CUX2: variants seen among roughly 807,000 people sequenced by gnomAD.
CUX2 encodes cut like homeobox 2.
CUX2 carries 40 observed loss-of-function variants against 144.8 expected under a neutral mutation model. The ratio of observed to expected loss-of-function variants is 0.28; its 90% CI spans 0.21 to 0.36. CUX2 has a LOEUF of 0.36. CUX2 is among the 10% of genes least tolerant of loss of function. CUX2 has a pLI of 1.00. For missense variants in CUX2, 1,615 were observed against 1,994.0 expected, an observed-to-expected ratio of 0.81 and a Z score of 3.62; for synonymous variants, 827 against 875.6, an observed-to-expected ratio of 0.94 and a Z score of 0.98.
Position 111,253,232 on chromosome 12 carries a change from C to T in CUX2, c.223-10529C>T, listed in dbSNP as rs1427003083. 2.0e-5 allele frequency among the ~76,000 whole-genome samples: 3 copies of T among 152,146 alleles called. No individual in the cohort carries two copies. The East Asian group carries it at 5.8e-4, about 29-fold the overall frequency. ...TGAATCTGCTCTCCTCTGCACAAAA[C>T]CCTCCCGTGGCTCCTCAGACCCCTT... On this transcript the variant is annotated intron_variant, in intron 3 of 21. Coordinates refer to ENST00000261726, the MANE Select transcript of CUX2 (RefSeq NM_015267.4).
rs184612463 is a variant in CUX2 at position 111,327,038 on chromosome 12, C to T, written c.2926+4458C>T. On this transcript the variant is annotated intron_variant, in intron 18 of 21. Coordinates refer to ENST00000261726, the MANE Select transcript of CUX2 (RefSeq NM_015267.4). ...CACCTCTGTCTAATTCCAGAATATTCCCACCGCCCCAAAAAGGAACCCCAT... is the reference window on the plus strand; with the variant it reads ...CACCTCTGTCTAATTCCAGAATATTTCCACCGCCCCAAAAAGGAACCCCAT... Among the ~76,000 whole-genome samples, 572 of 152,230 alleles carry T rather than the reference C, an allele frequency of 3.8e-3. 2 individuals are homozygous for T. The highest frequency in any genetic ancestry group is 0.013 in the African/African-American group (521 of 41,530).
Position 111,185,476 on chromosome 12 carries a change from T to A in CUX2, c.64-28724T>A, listed in dbSNP as rs551237599. Among the ~76,000 whole-genome samples, 402 of 152,330 alleles carry A rather than the reference T, an allele frequency of 2.6e-3. 2 individuals carry two copies. The highest frequency in any genetic ancestry group is 4.7e-3 in the Non-Finnish European group (323 of 68,020). ...GCAGGGACAGGTGTCGGCGTAATCG[T>A]GTACTGAAACCGCTGAGCCAGCCTG... On this transcript the variant is annotated intron_variant, in intron 1 of 21. Transcript: ENST00000261726.
rs577522933 is a variant in CUX2, at chr12:111,073,727, A to T, written c.63+39487A>T. On this transcript the variant is annotated intron_variant, in intron 1 of 21. Coordinates refer to ENST00000261726, the MANE Select transcript of CUX2 (RefSeq NM_015267.4). ...ATAATCCCAATGCTTTGGGACGCCA[A>T]AGCAGGAGGATCACTTGGAGCCAGG... Among the ~76,000 whole-genome samples, 31 of 152,132 alleles carry T rather than the reference A, an allele frequency of 2.0e-4. No individual in the cohort carries two copies. The South Asian group carries it at 6.2e-3, about 30-fold the overall frequency.
At chr12:111,225,559 G>A (rs1029239619) in intron 3 of CUX2, among the ~76,000 whole-genome samples, 4 of 152,182 alleles carry the variant, frequency 2.6e-5, no homozygotes, top group African/African-American at 4.8e-5. Context: ...CTCACACAGC[G>A]GTTCATCAGC....
chr12:111,310,204 G>A lies in CUX2; in HGVS notation c.1422G>A (p.Arg474=). The change falls in exon 15 of 22, where the codon CGG becomes CGA. Residue 474 remains arginine (R), a synonymous_variant. Coordinates refer to ENST00000261726, the MANE Select transcript of CUX2 (RefSeq NM_015267.4). This position sits in a 1 kb window ranked among gnomAD's most constrained non-coding sequence, Gnocchi z 7.9. ...LGPSLGPDGT[R]TFSLSPFPSL... ...CCAGCTTGGGGCCTGACGGCACTCGGACTTTCTCGCTGTCCCCCTTCCCCA... is the reference window on the plus strand; with the variant it reads ...CCAGCTTGGGGCCTGACGGCACTCGAACTTTCTCGCTGTCCCCCTTCCCCA... 1 of 1,522,376 alleles carries A rather than the reference G, an allele frequency of 6.6e-7. No homozygotes were observed. The allele number at this position is 1,522,376 out of a possible 1,614,324, so 94.3% of individuals were successfully genotyped here. A position where few individuals can be genotyped will look rare whatever the true frequency, so the allele number is the denominator to read the frequency against.
In CUX2 at chr12:111,277,711, G is replaced by A. The variant is rs574029695; in HGVS notation, c.302-13707G>A. Among the ~76,000 whole-genome samples, 3 of 152,176 alleles carry A rather than the reference G, an allele frequency of 2.0e-5. No individual in the cohort carries two copies. The highest frequency in any genetic ancestry group is 2.9e-5 in the Non-Finnish European group (2 of 68,044). On this transcript the variant is annotated intron_variant, in intron 4 of 21. Coordinates refer to ENST00000261726, the MANE Select transcript of CUX2 (RefSeq NM_015267.4). This position sits in a 1 kb window ranked among gnomAD's most constrained non-coding sequence, Gnocchi z 5.0. ...TTTCCCTGACACACAGCAGGCACTC[G>A]GGAAATATTTGGCAACTGAAGAAAT...
chr12:111,244,380 G>A (rs986982398), intron 3 of CUX2, among the ~76,000 whole-genome samples: 7 of 152,332 alleles, frequency 4.6e-5, no homozygotes, highest in South Asian at 2.1e-4. Flanking sequence ...TGCTTGTCCC[G>A]TCCTCTGGGA....
intron 1 of CUX2, among the ~76,000 whole-genome samples, chr12:111,065,787 A>T (rs1277177956): frequency 1.3e-5 from 2 of 152,238 alleles, no homozygotes; most frequent in Non-Finnish European, 2.9e-5. Context: ...AGCATCCCCA[A>T]GAAATTTGTT....
chr12:111,130,887 A>G (rs1875427036), intron 1 of CUX2, among the ~76,000 whole-genome samples: 2 of 152,262 alleles, frequency 1.3e-5, no homozygotes, highest in Admixed American at 1.3e-4. Context: ...ATCTCTGCTT[A>G]GTATGCCTAT....
At chr12:111,069,661 T>C (rs1871180476) in intron 1 of CUX2, among the ~76,000 whole-genome samples, 1 of 152,124 alleles carries the variant, frequency 6.6e-6, no homozygotes, top group African/African-American at 2.4e-5. Context: ...TATAGATGCC[T>C]GTCTTCTCCC....
At position 111,287,331 on chromosome 12, in the gene CUX2, C is replaced by A. The variant is rs192103982; in HGVS notation, c.302-4087C>A. ...CTCCTTGGAACCGGAGCAAGCCCTC[C>A]GTGGCCCTGCGCAGTCCGCGTGGCA... On this transcript the variant is annotated intron_variant, in intron 4 of 21. Transcript: ENST00000261726. The surrounding 1 kb of genome is among the most constrained non-coding windows in gnomAD (Gnocchi z 4.2). Among the ~76,000 whole-genome samples, 1 of 152,214 alleles carries A rather than the reference C, an allele frequency of 6.6e-6. No homozygotes were observed. Among genetic ancestry groups the A allele is most frequent in the Non-Finnish European group, 1.5e-5 (1 of 68,042 alleles).
At chr12:111,219,949 G>A (rs1881749794) in intron 3 of CUX2, among the ~76,000 whole-genome samples, 1 of 152,138 alleles carries the variant, frequency 6.6e-6, no homozygotes, top group African/African-American at 2.4e-5. Flanking sequence ...TTCGAGACCA[G>A]CCTGGCCAAC....
intron 1 of CUX2, among the ~76,000 whole-genome samples, chr12:111,165,060 C>CA (rs1174129585): frequency 3.3e-5 from 5 of 152,282 alleles, no homozygotes; most frequent in Non-Finnish European, 1.5e-5. Context: ...CTGAAGCCAC[C>CA]ACTCCACTGT....
At chr12:111,260,661 C>G (rs1417906291) in intron 3 of CUX2, among the ~76,000 whole-genome samples, 1 of 152,160 alleles carries the variant, frequency 6.6e-6, no homozygotes. Flanking sequence ...CTGTCATCCT[C>G]CTTATAATGT....
intron 1 of CUX2, among the ~76,000 whole-genome samples, chr12:111,113,392 C>G (rs949151519): frequency 2.0e-5 from 3 of 151,972 alleles, no homozygotes; most frequent in African/African-American, 7.3e-5. Context: ...TCCATCACCC[C>G]CCGAAATTTC....
intron 3 of CUX2, among the ~76,000 whole-genome samples, chr12:111,234,454 C>T (rs1167114684): frequency 6.6e-6 from 1 of 152,080 alleles, no homozygotes; most frequent in Admixed American, 6.5e-5. Context: ...GATCCCATGC[C>T]CAAGGTCCAC....
intron 18 of CUX2, among the ~76,000 whole-genome samples, chr12:111,327,376 T>C (rs1377172971): frequency 6.6e-6 from 1 of 152,242 alleles, no homozygotes; most frequent in African/African-American, 2.4e-5. Flanking sequence ...TTTTCAGTTC[T>C]TCGAACATAT....
At chr12:111,265,230 G>C (rs1199129389) in intron 4 of CUX2, among the ~76,000 whole-genome samples, 1 of 152,056 alleles carries the variant, frequency 6.6e-6, no homozygotes, top group East Asian at 1.9e-4. Context: ...GTTACAGTTT[G>C]AGAACATTTG....
chr12:111,125,708 G>T (rs930504209), intron 1 of CUX2, among the ~76,000 whole-genome samples: 1 of 152,058 alleles, frequency 6.6e-6, no homozygotes, highest in Admixed American at 6.6e-5. Context: ...TGCAGATTCC[G>T]CATGGATAGG....
Sources: gnomAD v4.1 joint callset for allele counts (sites outside exome capture counted in the v4.1 genomes callset) on GRCh38, gnomAD v4.1.1 for gene constraint, Gnocchi (gnomAD v3.1) non-coding constraint, MANE v1.5 for transcripts, NCBI Gene and HGNC (gene_info 2026-07-23, HGNC 2026-07-21) for gene names.